EDIL3: variants seen among roughly 807,000 people sequenced by gnomAD.
EDIL3 encodes the protein EGF-like repeat and discoidin I-like domain-containing protein 3.
In EDIL3, 37 loss-of-function variants were observed where a neutral mutation model predicts 67.4. The ratio of observed to expected loss-of-function variants is 0.55; its 90% CI spans 0.42 to 0.72. The LOEUF is 0.72. Ranked by LOEUF, EDIL3 falls within the 30% of genes least tolerant of loss-of-function variation. EDIL3 has a pLI of 0.00. For missense variants in EDIL3, 527 were observed against 586.3 expected, an observed-to-expected ratio of 0.90 and a Z score of 1.04; for synonymous variants, 195 against 196.3, an observed-to-expected ratio of 0.99 and a Z score of 0.05.
intron 9 of EDIL3, among the ~76,000 whole-genome samples, chr5:84,056,830 T>C (rs557119066): frequency 1.4e-4 from 21 of 152,214 alleles, no homozygotes; most frequent in Admixed American, 3.3e-4. Flanking sequence ...GGCGTCTGAT[T>C]TTATAAATAC....
chr5:83,979,121 T>G (rs1744922704), intron 9 of EDIL3, among the ~76,000 whole-genome samples: 1 of 152,166 alleles, frequency 6.6e-6, no homozygotes, highest in East Asian at 1.9e-4. Flanking sequence ...CATAGGTAAC[T>G]CAGAGAGTCT....
chr5:84,080,600 A>T (rs1216798159), intron 6 of EDIL3, among the ~76,000 whole-genome samples: 2 of 138,390 alleles, frequency 1.4e-5, no homozygotes, highest in Non-Finnish European at 3.1e-5. Context: ...AACACAATTG[A>T]TAAAATGTGA....
chr5:84,358,085 T>A (rs1747523945), intron 1 of EDIL3, among the ~76,000 whole-genome samples: 1 of 151,530 alleles, frequency 6.6e-6, no homozygotes, highest in Non-Finnish European at 1.5e-5. Flanking sequence ...AGCCAAGGAG[T>A]CTTCTGCACA....
intron 4 of EDIL3, among the ~76,000 whole-genome samples, chr5:84,138,936 T>C (rs1477411447): frequency 6.6e-6 from 1 of 152,184 alleles, no homozygotes; most frequent in Non-Finnish European, 1.5e-5. Context: ...TGGATCTGTG[T>C]GCTGTAAAGT....
At chr5:84,252,745 C>T (rs1382201672) in intron 2 of EDIL3, among the ~76,000 whole-genome samples, 1 of 151,894 alleles carries the variant, frequency 6.6e-6, no homozygotes, top group African/African-American at 2.4e-5. Flanking sequence ...TACAGACTTT[C>T]CTGAGGATAT....
At chr5:84,045,950 A>G (rs1470128666) in intron 9 of EDIL3, among the ~76,000 whole-genome samples, 1 of 152,222 alleles carries the variant, frequency 6.6e-6, no homozygotes, top group Non-Finnish European at 1.5e-5. Context: ...AAATATTACA[A>G]AAGTCTCTAG....
intron 9 of EDIL3, among the ~76,000 whole-genome samples, chr5:84,036,073 G>T (rs1746017554): frequency 6.6e-6 from 1 of 152,160 alleles, no homozygotes. Context: ...AAATCTCATA[G>T]GATAGTGTAA....
At position 84,160,734 on chromosome 5, in the gene EDIL3, TCTTTTCTTTTCTTTCCTTTCCTTTC is replaced by T. The variant is rs1561449278; in HGVS notation, c.355+19634_355+19658del. Among the ~76,000 whole-genome samples the T allele has an allele frequency of 1.4e-4, 17 of 121,962 alleles. 1 individual carries two copies. Among genetic ancestry groups the T allele is most frequent in the African/African-American group, 4.6e-4 (16 of 35,114 alleles). 80.0% of individuals were successfully genotyped at this position (121,962 alleles called of 152,430 possible). Reference sequence around the variant, plus strand: ...GTCATTTTCATTTTCTTCTTTTTTTTCTTTTCTTTTCTTTCCTTTCCTTTCCTTTCCTTTCCTTTCCTTTCCTTTC... The same window carrying T: ...GTCATTTTCATTTTCTTCTTTTTTTTCTTTCCTTTCCTTTCCTTTCCTTTC... On this transcript the variant is annotated intron_variant, in intron 4 of 10. Coordinates refer to ENST00000296591, the MANE Select transcript of EDIL3 (RefSeq NM_005711.5).
At chr5:84,278,352 T>G (rs1745629487) in intron 1 of EDIL3, among the ~76,000 whole-genome samples, 2 of 152,170 alleles carry the variant, frequency 1.3e-5, no homozygotes, top group South Asian at 4.1e-4. Flanking sequence ...AGAGAGAATT[T>G]TTTTTTGTTT....
intron 1 of EDIL3, among the ~76,000 whole-genome samples, chr5:84,265,883 T>C (rs1346982766): frequency 6.6e-6 from 1 of 152,186 alleles, no homozygotes; most frequent in Admixed American, 6.5e-5. Flanking sequence ...TCAGAAATTA[T>C]GGGTGTTTTG....
chr5:84,154,883 A>C (rs253161), intron 4 of EDIL3, among the ~76,000 whole-genome samples: 1 of 151,786 alleles, frequency 6.6e-6, no homozygotes, highest in Admixed American at 6.6e-5. Flanking sequence ...TATTTTTAGA[A>C]GAGACGGAGT....
At chr5:84,097,645 A>G (rs1747288523) in intron 6 of EDIL3, among the ~76,000 whole-genome samples, 1 of 152,172 alleles carries the variant, frequency 6.6e-6, no homozygotes, top group African/African-American at 2.4e-5. Flanking sequence ...TAGAGTGTAG[A>G]GTACACATTC....
chr5:84,194,857 G>C (rs1011707102), intron 3 of EDIL3, among the ~76,000 whole-genome samples: 1 of 151,854 alleles, frequency 6.6e-6, no homozygotes, highest in Admixed American at 6.6e-5. Flanking sequence ...TCATAAAACA[G>C]TAAGGTTTCC....
chr5:84,198,069 TAGGCAATCAGAG>T (rs1320090927), intron 3 of EDIL3, among the ~76,000 whole-genome samples: 2 of 151,902 alleles, frequency 1.3e-5, no homozygotes, highest in Non-Finnish European at 2.9e-5. Context: ...AACATCTGAG[TAGGCAATCAGAG>T]GACTTGTAGA....
intron 3 of EDIL3, among the ~76,000 whole-genome samples, chr5:84,202,126 T>C (rs910393580): frequency 2.6e-5 from 4 of 152,156 alleles, no homozygotes; most frequent in African/African-American, 9.7e-5. Flanking sequence ...TGTGAATTTC[T>C]TTGGCCAATA....
intron 6 of EDIL3, among the ~76,000 whole-genome samples, chr5:84,071,807 T>C (rs1746744632): frequency 6.6e-6 from 1 of 152,148 alleles, no homozygotes; most frequent in African/African-American, 2.4e-5. Context: ...ATAACTATTC[T>C]ACACCAGCAA....
intron 1 of EDIL3, among the ~76,000 whole-genome samples, chr5:84,290,173 C>T (rs1407487164): frequency 6.6e-6 from 1 of 152,160 alleles, no homozygotes; most frequent in Admixed American, 6.6e-5. Flanking sequence ...TCCCTGAGGA[C>T]AGCCATATCC....
rs1165292595 is a variant in EDIL3 at position 84,032,730 on chromosome 5, T to C, written c.1137+27570A>G. Among the ~76,000 whole-genome samples, 5 of 152,218 alleles carry C rather than the reference T, an allele frequency of 3.3e-5. No individual in the cohort carries two copies. The East Asian group carries it at 9.6e-4, about 29-fold the overall frequency. ...CTTTGGCCACTGCTACTTTGTGATA[T>C]GGTGATTACTAATGGGACTTTTTAA... is the stretch of plus-strand genomic sequence containing the variant. On this transcript the variant is annotated intron_variant, in intron 9 of 10. Transcript: ENST00000296591.
At chr5:84,238,146 GGT>G (rs150829568) in intron 2 of EDIL3, among the ~76,000 whole-genome samples, 5 of 150,660 alleles carry the variant, frequency 3.3e-5, no homozygotes, top group Non-Finnish European at 5.9e-5. Context: ...CTTGGCAAAC[GGT>G]GTGTGTGTGT....
Sources: gnomAD v4.1 joint callset for allele counts (sites outside exome capture counted in the v4.1 genomes callset) on GRCh38, gnomAD v4.1.1 for gene constraint, MANE v1.5 for transcripts, NCBI Gene and HGNC (gene_info 2026-07-23, HGNC 2026-07-21) for gene names.